The following SIPA1L1 variants were observed in gnomAD, a reference collection of about 807,000 sequenced individuals.
The protein encoded by SIPA1L1 is signal-induced proliferation-associated 1-like protein 1.
Under a neutral mutation model 162.7 loss-of-function variants are expected in SIPA1L1, and 26 were observed. The observed-to-expected ratio is 0.16, with a 90% confidence interval of 0.12 to 0.22. The LOEUF (loss-of-function observed/expected upper bound fraction) is 0.22. Among genes scored for constraint, SIPA1L1 ranks in the 10% least tolerant of loss-of-function variants. The probability of loss-of-function intolerance (pLI) is 1.00; values close to 1 mark genes in which losing one functional copy is unlikely to be tolerated. For synonymous variants in SIPA1L1, 829 were observed against 837.4 expected (o/e 0.99, Z 0.17); for missense variants, 1,874 against 2,241.0 (o/e 0.84, Z 3.31).
At chr14:71,437,544 A>G (rs1229453980) in intron 2 of SIPA1L1, among the ~76,000 whole-genome samples, 1 of 151,932 alleles carries the variant, frequency 6.6e-6, no homozygotes, top group Non-Finnish European at 1.5e-5. Flanking sequence ...AAATTTTTGT[A>G]TTTTTGGTAG....
chr14:71,640,507 G>C (rs2041602186), intron 7 of SIPA1L1, among the ~76,000 whole-genome samples: 1 of 152,226 alleles, frequency 6.6e-6, no homozygotes, highest in South Asian at 2.1e-4. Context: ...TTAGGAGACA[G>C]ATCAGAGCTT....
chr14:71,520,511 C>CA (rs931308713), intron 3 of SIPA1L1, among the ~76,000 whole-genome samples: 15 of 152,026 alleles, frequency 9.9e-5, no homozygotes, highest in Non-Finnish European at 2.2e-4. Flanking sequence ...GTCCCGAGAT[C>CA]AAAAAAATGA....
chr14:71,592,614 C>G (rs1319054251), intron 5 of SIPA1L1, among the ~76,000 whole-genome samples: 1 of 151,712 alleles, frequency 6.6e-6, no homozygotes, highest in Non-Finnish European at 1.5e-5. Flanking sequence ...CCTGACTTCA[C>G]TGTGGCTAAG....
intron 14 of SIPA1L1, among the ~76,000 whole-genome samples, chr14:71,701,189 G>C (rs954976079): frequency 6.6e-6 from 1 of 151,952 alleles, no homozygotes; most frequent in East Asian, 1.9e-4. Context: ...ATGGGGGTTG[G>C]AACTTGGCCC....
chr14:71,559,578 T>C (rs2056620314), intron 4 of SIPA1L1, among the ~76,000 whole-genome samples: 2 of 152,224 alleles, frequency 1.3e-5, no homozygotes, highest in African/African-American at 4.8e-5. Flanking sequence ...TGTGAAACAC[T>C]GTAACATTTT....
At chr14:71,408,863 T>C (rs971705780) in intron 2 of SIPA1L1, among the ~76,000 whole-genome samples, 3 of 152,176 alleles carry the variant, frequency 2.0e-5, no homozygotes, top group Non-Finnish European at 4.4e-5. Flanking sequence ...TCTGAGCACT[T>C]GCTTATTAGT....
Position 71,589,384 on chromosome 14 carries a change from C to G in SIPA1L1, c.1498+14C>G, listed in dbSNP as rs1263868069. The G allele has an allele frequency of 2.0e-6, 3 of 1,525,772 alleles. No individual in the cohort carries two copies. Among genetic ancestry groups the G allele is most frequent in the Non-Finnish European group, 2.7e-6 (3 of 1,112,910 alleles). The allele number at this position is 1,525,772 out of a possible 1,614,324, so 94.5% of individuals were successfully genotyped here. A position where few individuals can be genotyped will look rare whatever the true frequency, so the allele number is the denominator to read the frequency against. On this transcript the variant is annotated intron_variant, in intron 5 of 23. Coordinates refer to ENST00000381232, the MANE Select transcript of SIPA1L1 (RefSeq NM_001386936.1). ...TCTACCAGAAGGGTAAGTAGAGATC[C>G]TTTATTTCTTACATTTTCTTTTGCA...
intron 2 of SIPA1L1, among the ~76,000 whole-genome samples, chr14:71,376,273 C>CA (rs1397125196): frequency 7.3e-5 from 11 of 151,446 alleles, no homozygotes; most frequent in African/African-American, 2.7e-4. Flanking sequence ...TTCAATTTTC[C>CA]AAGAAATTTG....
At chr14:71,375,136 G>A (rs541959579) in intron 2 of SIPA1L1, among the ~76,000 whole-genome samples, 3 of 152,172 alleles carry the variant, frequency 2.0e-5, no homozygotes, top group East Asian at 1.9e-4. Context: ...TGTCTCTTTC[G>A]GGGTTCTGTG....
At chr14:71,735,131 CTG>C in intron 21 of SIPA1L1, 144 bp from the exon 22 acceptor site, 1 of 642,858 alleles carries the variant, frequency 1.6e-6, no homozygotes, top group Middle Eastern at 2.6e-4. Flanking sequence ...ATATTTTTCC[CTG>C]TGAGGGTTGG....
chr14:71,517,677 C>T (rs191528589), intron 3 of SIPA1L1, among the ~76,000 whole-genome samples: 101 of 152,254 alleles, frequency 6.6e-4, no homozygotes, highest in African/African-American at 2.4e-3. Flanking sequence ...CACAGCTTTG[C>T]CACATTCTTG....
chr14:71,478,632 G>GAT (rs2048072576), intron 2 of SIPA1L1, among the ~76,000 whole-genome samples: 1 of 152,130 alleles, frequency 6.6e-6, no homozygotes, highest in Non-Finnish European at 1.5e-5. Context: ...AATTGCCATT[G>GAT]TACCTTTACC....
chr14:71,346,977 A>G (rs895689968), intron 2 of SIPA1L1, among the ~76,000 whole-genome samples: 1 of 149,714 alleles, frequency 6.7e-6, no homozygotes, highest in African/African-American at 2.5e-5. Context: ...TTTTTGAGAC[A>G]GTCTTGCTCT....
chr14:71,391,781 A>T (rs1212219917), intron 2 of SIPA1L1, among the ~76,000 whole-genome samples: 1 of 152,210 alleles, frequency 6.6e-6, no homozygotes, highest in Non-Finnish European at 1.5e-5. Flanking sequence ...AGACAGTTTC[A>T]GAAAGGAATT....
chr14:71,387,248 C>CAAAAAAAAAAAA (rs398025583), intron 2 of SIPA1L1, among the ~76,000 whole-genome samples: 1 of 53,880 alleles, frequency 1.9e-5, no homozygotes, highest in Non-Finnish European at 3.0e-5. Flanking sequence ...AACTCTGTCT[C>CAAAAAAAAAAAA]AAAAAAAAAA....
At chr14:71,417,262 G>A (rs1308123379) in intron 2 of SIPA1L1, among the ~76,000 whole-genome samples, 5 of 151,662 alleles carry the variant, frequency 3.3e-5, no homozygotes, top group Admixed American at 3.3e-4. Context: ...ACGAGGTCAG[G>A]AGATCGAGAC....
chr14:71,605,316 G>A (rs2037360262), intron 5 of SIPA1L1, among the ~76,000 whole-genome samples: 1 of 151,942 alleles, frequency 6.6e-6, no homozygotes, highest in Non-Finnish European at 1.5e-5. Context: ...GTATTTGGTT[G>A]TATTTCACTG....
intron 2 of SIPA1L1, among the ~76,000 whole-genome samples, chr14:71,350,959 G>A (rs143604800): frequency 1.5e-4 from 23 of 152,314 alleles, no homozygotes; most frequent in Non-Finnish European, 2.8e-4. Context: ...ATTTTGTCCT[G>A]TGCTGTTGCG....
chr14:71,384,350 G>A (rs2040148857), intron 2 of SIPA1L1, among the ~76,000 whole-genome samples: 1 of 152,204 alleles, frequency 6.6e-6, no homozygotes, highest in Non-Finnish European at 1.5e-5. Flanking sequence ...TTCTGGGTTT[G>A]TGTGGGGCCT....
Sources: allele counts gnomAD v4.1 joint callset (sites outside exome capture counted in the v4.1 genomes callset), GRCh38; gene constraint gnomAD v4.1.1; transcripts MANE v1.5; gene names NCBI Gene and HGNC (gene_info 2026-07-23, HGNC 2026-07-21).